Variants in FRMPD4 observed in about 807,000 individuals in gnomAD.
FRMPD4 encodes FERM and PDZ domain-containing protein 4.
Under a neutral mutation model 94.1 loss-of-function variants are expected in FRMPD4, and 22 were observed. The ratio of observed to expected loss-of-function variants is 0.23; its 90% CI spans 0.17 to 0.33. The LOEUF (loss-of-function observed/expected upper bound fraction) is 0.33, where lower values mean the gene tolerates loss of function less well. Among genes scored for constraint, FRMPD4 ranks in the 10% least tolerant of loss-of-function variants. FRMPD4 has a pLI of 1.00. For missense variants in FRMPD4, 1,111 were observed against 1,339.9 expected (o/e 0.83, Z 2.67); for synonymous variants, 631 against 548.6 (o/e 1.15, Z -2.10).
intron 3 of FRMPD4, among the ~76,000 whole-genome samples, chrX:11,891,462 A>AG (rs1241248021): frequency 8.9e-6 from 1 of 112,492 alleles, no homozygotes; most frequent in African/African-American, 3.2e-5. Context: ...CCGAGGGGAG[A>AG]GGGGGCCAAG....
Position 12,138,859 on chromosome X carries a change from C to T in FRMPD4, c.-113C>T. On this transcript the variant is annotated 5_prime_UTR_variant, in exon 1 of 17. Transcript: ENST00000675598. ...CCGCCGCCGCCACCCGCTGTCGCCG[C>T]GACTCGAGCCCCGGGCGCACTGAGG... 2 of 587,388 alleles carry T rather than the reference C, an allele frequency of 3.4e-6. No individual in the cohort carries two copies. The highest frequency in any genetic ancestry group is 2.5e-6 in the Non-Finnish European group (1 of 407,795). 48.4% of individuals were successfully genotyped at this position (587,388 alleles called of 1,213,427 possible).
chrX:12,142,797 C>T (rs997307432), intron 1 of FRMPD4, among the ~76,000 whole-genome samples: 1 of 111,799 alleles, frequency 8.9e-6, no homozygotes, highest in African/African-American at 3.2e-5. Context: ...CTCTCTCTCT[C>T]TCTTATTGTC....
chrX:12,005,810 C>A (rs2147409667), intron 3 of FRMPD4, among the ~76,000 whole-genome samples: 1 of 108,046 alleles, frequency 9.3e-6, no homozygotes, highest in Non-Finnish European at 1.9e-5. Flanking sequence ...AAGGGGTGGG[C>A]TTGTGATTCT....
intron 1 of FRMPD4, among the ~76,000 whole-genome samples, chrX:12,256,437 T>C (rs1285844872): frequency 6.2e-5 from 7 of 112,327 alleles, no homozygotes; most frequent in Non-Finnish European, 1.3e-4. Context: ...TCAAGACTTA[T>C]GTTAACCATC....
intron 2 of FRMPD4, among the ~76,000 whole-genome samples, chrX:12,545,538 A>G (rs769976793): frequency 6.2e-5 from 7 of 112,957 alleles, no homozygotes; most frequent in Non-Finnish European, 1.3e-4. Flanking sequence ...ACCAAGTACA[A>G]AAAGAAAAAC....
At chrX:12,075,073 G>A (rs976410133) in intron 3 of FRMPD4, among the ~76,000 whole-genome samples, 1 of 112,267 alleles carries the variant, frequency 8.9e-6, no homozygotes, top group Non-Finnish European at 1.9e-5. Context: ...TATAATGCCT[G>A]TTATGTTTAT....
At chrX:12,010,467 A>G (rs1301479524) in intron 3 of FRMPD4, among the ~76,000 whole-genome samples, 3 of 112,103 alleles carry the variant, frequency 2.7e-5, no homozygotes, top group African/African-American at 6.5e-5. Flanking sequence ...TTTTAATAAT[A>G]CAGGGTCAGC....
At chrX:11,848,334 A>T (rs2053595062) in intron 1 of FRMPD4, among the ~76,000 whole-genome samples, 1 of 111,215 alleles carries the variant, frequency 9.0e-6, no homozygotes, top group South Asian at 3.7e-4. Flanking sequence ...TAACTTTTTT[A>T]AAACTTGGCT....
At chrX:12,072,343 T>C (rs2054976212) in intron 3 of FRMPD4, among the ~76,000 whole-genome samples, 1 of 112,338 alleles carries the variant, frequency 8.9e-6, no homozygotes, top group African/African-American at 3.2e-5. Context: ...CCTCATGCAA[T>C]ATATTGCTAC....
chrX:11,972,607 C>G (rs775913827), intron 3 of FRMPD4, among the ~76,000 whole-genome samples: 1 of 112,318 alleles, frequency 8.9e-6, no homozygotes, highest in East Asian at 2.8e-4. Flanking sequence ...TCTATTGTTT[C>G]TCACTCCTAG....
At chrX:11,979,266 G>A (rs1451068831) in intron 3 of FRMPD4, among the ~76,000 whole-genome samples, 1 of 111,846 alleles carries the variant, frequency 8.9e-6, no homozygotes, top group African/African-American at 3.2e-5. Flanking sequence ...CTTTGGTCAA[G>A]GTTATGTTTT....
chrX:12,200,907 G>T (rs1191432345), intron 1 of FRMPD4, among the ~76,000 whole-genome samples: 1 of 112,455 alleles, frequency 8.9e-6, no homozygotes, highest in Non-Finnish European at 1.9e-5. Context: ...TGCAAAAACA[G>T]CTTCTTCCAC....
chrX:12,412,729 G>A (rs756355348), intron 1 of FRMPD4, among the ~76,000 whole-genome samples: 41 of 111,963 alleles, frequency 3.7e-4, no homozygotes, highest in South Asian at 7.5e-4. Flanking sequence ...TTGTGTTTGT[G>A]GTTGGTGGTG....
chrX:12,419,064 A>AT (rs2056848469), intron 1 of FRMPD4, among the ~76,000 whole-genome samples: 1 of 111,587 alleles, frequency 9.0e-6, no homozygotes, highest in South Asian at 3.8e-4. Context: ...ATGCTCTAAT[A>AT]TTCCCTATGC....
At chrX:11,952,665 A>T (rs1323829765) in intron 3 of FRMPD4, among the ~76,000 whole-genome samples, 1 of 111,609 alleles carries the variant, frequency 9.0e-6, no homozygotes, top group Non-Finnish European at 1.9e-5. Context: ...AACCCAAGGG[A>T]TATATTTGCA....
chrX:11,909,978 A>T (rs1473995487), intron 3 of FRMPD4, among the ~76,000 whole-genome samples: 1 of 111,873 alleles, frequency 8.9e-6, no homozygotes, highest in African/African-American at 3.2e-5. Flanking sequence ...TATACCATAC[A>T]TACTTGAAAG....
intron 1 of FRMPD4, among the ~76,000 whole-genome samples, chrX:12,434,081 G>A (rs190832479): frequency 2.1e-4 from 23 of 112,054 alleles, no homozygotes; most frequent in African/African-American, 5.2e-4. Context: ...GAAAAGTCTC[G>A]AAGCTGATGG....
At chrX:11,977,243 T>C (rs2054372183) in intron 3 of FRMPD4, among the ~76,000 whole-genome samples, 2 of 112,179 alleles carry the variant, frequency 1.8e-5, no homozygotes, top group African/African-American at 6.5e-5. Context: ...TAGTCATTGG[T>C]CTTAGAAATG....
At chrX:12,474,893 G>A (rs932298501) in intron 1 of FRMPD4, among the ~76,000 whole-genome samples, 1 of 111,485 alleles carries the variant, frequency 9.0e-6, no homozygotes, top group Non-Finnish European at 1.9e-5. Context: ...ACAAGGAGGA[G>A]CTGGTACCAT....
Sources: gnomAD v4.1 joint callset for allele counts (sites outside exome capture counted in the v4.1 genomes callset) on GRCh38, gnomAD v4.1.1 for gene constraint, MANE v1.5 for transcripts, NCBI Gene and HGNC (gene_info 2026-07-23, HGNC 2026-07-21) for gene names.